CERS3: variants seen among roughly 807,000 people sequenced by gnomAD.
The protein encoded by CERS3 is LAG1 homolog, ceramide synthase 3.
CERS3 carries 33 observed loss-of-function variants against 50.3 expected under a neutral mutation model. The ratio of observed to expected loss-of-function variants is 0.66; its 90% CI spans 0.50 to 0.88. The LOEUF is 0.88. Ranked by LOEUF, CERS3 falls within the 40% of genes least tolerant of loss-of-function variation. The pLI, the probability that CERS3 is intolerant of heterozygous loss-of-function variation, is 0.00. For missense variants in CERS3, 470 were observed against 460.3 expected, an observed-to-expected ratio of 1.02 and a Z score of -0.19; for synonymous variants, 176 against 155.2, an observed-to-expected ratio of 1.13 and a Z score of -0.99.
intron 11 of CERS3, among the ~76,000 whole-genome samples, chr15:100,444,625 T>C (rs909177431): frequency 1.2e-4 from 18 of 152,320 alleles, no homozygotes; most frequent in Admixed American, 6.5e-4. Context: ...AACTTCTCAG[T>C]GTTCCATCTG....
chr15:100,453,956 T>C (rs1262400309), intron 11 of CERS3, among the ~76,000 whole-genome samples: 1 of 152,124 alleles, frequency 6.6e-6, no homozygotes, highest in Non-Finnish European at 1.5e-5. Flanking sequence ...CAAGGAAAAC[T>C]ACAAAACACT....
chr15:100,410,987 G>A (rs888605201), intron 11 of CERS3, among the ~76,000 whole-genome samples: 1 of 152,004 alleles, frequency 6.6e-6, no homozygotes, highest in East Asian at 1.9e-4. Context: ...CCTTTCCCCA[G>A]CCTCTGGCAA....
chr15:100,476,020 T>C, intron 8 of CERS3, 66 bp downstream of exon 8: 4 of 1,023,930 alleles, frequency 3.9e-6, no homozygotes, highest in Non-Finnish European at 4.3e-6. Context: ...AAGATTAGAA[T>C]TTGGGGCAGG....
rs1256838474 is a variant in CERS3, at chr15:100,461,980, G to A, written c.846-5934C>T. Among the ~76,000 whole-genome samples, 7 of 152,070 alleles carry A rather than the reference G, an allele frequency of 4.6e-5. No homozygotes were observed. The East Asian group carries it at 1.4e-3, about 29-fold the overall frequency. On this transcript the variant is annotated intron_variant, in intron 10 of 11. Transcript: ENST00000679737. ...CTCCTTCTACGCTAAAAGAAGACTG[G>A]GAAAAAGAAAAAAAATTCCATCTGC...
intron 11 of CERS3, among the ~76,000 whole-genome samples, chr15:100,412,443 T>C (rs1203860135): frequency 1.3e-5 from 2 of 152,212 alleles, no homozygotes; most frequent in African/African-American, 4.8e-5. Flanking sequence ...CCACACTGTC[T>C]TGATTACTGA....
intron 1 of CERS3, among the ~76,000 whole-genome samples, chr15:100,524,842 A>G (rs563433772): frequency 1.9e-4 from 29 of 152,242 alleles, no homozygotes; most frequent in Admixed American, 9.8e-4. Flanking sequence ...CTAATCAACA[A>G]GTATTTATTG....
chr15:100,499,625 A>C (rs941960074), intron 3 of CERS3, among the ~76,000 whole-genome samples: 3 of 152,234 alleles, frequency 2.0e-5, no homozygotes, highest in Admixed American at 2.0e-4. Flanking sequence ...GAAGATGTAC[A>C]TAAATGCAGT....
intron 11 of CERS3, among the ~76,000 whole-genome samples, chr15:100,434,491 T>A (rs1348586275): frequency 6.6e-6 from 1 of 151,602 alleles, no homozygotes; most frequent in Non-Finnish European, 1.5e-5. Flanking sequence ...AAAAACTAAT[T>A]TCTTTTACCC....
At chr15:100,481,983 G>T (rs190910542) in intron 5 of CERS3, among the ~76,000 whole-genome samples, 2 of 152,274 alleles carry the variant, frequency 1.3e-5, no homozygotes, top group Admixed American at 6.5e-5. Flanking sequence ...TGAAACGTGC[G>T]CTTGTGTAGT....
At chr15:100,451,606 C>T (rs1349028378) in intron 11 of CERS3, among the ~76,000 whole-genome samples, 4 of 152,080 alleles carry the variant, frequency 2.6e-5, no homozygotes, top group African/African-American at 9.7e-5. Flanking sequence ...ACTAGGAAGG[C>T]TGAGGTGGGA....
chr15:100,519,321 C>T (rs1261946753), intron 2 of CERS3, among the ~76,000 whole-genome samples: 1 of 152,122 alleles, frequency 6.6e-6, no homozygotes, highest in African/African-American at 2.4e-5. Context: ...CCCCACCTTC[C>T]AGCAGCAGCT....
chr15:100,512,732 A>G (rs2036382530), intron 2 of CERS3, among the ~76,000 whole-genome samples: 1 of 152,026 alleles, frequency 6.6e-6, no homozygotes, highest in African/African-American at 2.4e-5. Flanking sequence ...TATGTGCTTT[A>G]CTCTAATACT....
chr15:100,428,991 C>G (rs1014931214), intron 11 of CERS3, among the ~76,000 whole-genome samples: 2 of 152,146 alleles, frequency 1.3e-5, no homozygotes, highest in Non-Finnish European at 2.9e-5. Context: ...CTTGCATGCT[C>G]GGGGATTAGC....
chr15:100,522,960 T>A (rs77558670), intron 1 of CERS3, among the ~76,000 whole-genome samples: 2,043 of 152,302 alleles, frequency 0.013, 22 homozygotes, highest in East Asian at 0.028. Flanking sequence ...CGTATGAGAG[T>A]TCCAGTGGTT....
chr15:100,405,243 AAAAAAC>A (rs754975880), intron 11 of CERS3, among the ~76,000 whole-genome samples: 61 of 13,706 alleles, frequency 4.5e-3, no homozygotes, highest in Middle Eastern at 0.1. Flanking sequence ...TAAAAAAAAA[AAAAAAC>A]AAAAAAAAAC....
At chr15:100,499,356 A>G (rs917765025) in intron 3 of CERS3, among the ~76,000 whole-genome samples, 1 of 152,220 alleles carries the variant, frequency 6.6e-6, no homozygotes, top group Admixed American at 6.5e-5. Flanking sequence ...AAATCAAAAC[A>G]TTAGCCACAC....
intron 11 of CERS3, among the ~76,000 whole-genome samples, chr15:100,431,921 ATCT>A (rs894913560): frequency 3.9e-5 from 6 of 152,156 alleles, no homozygotes; most frequent in East Asian, 1.9e-4. Flanking sequence ...ATCCTGGGAG[ATCT>A]TCTTTACGGT....
intron 2 of CERS3, among the ~76,000 whole-genome samples, chr15:100,508,781 T>G (rs941312256): frequency 6.6e-6 from 1 of 152,160 alleles, no homozygotes; most frequent in Non-Finnish European, 1.5e-5. Flanking sequence ...GCAAATGTAC[T>G]TATTTACCCC....
intron 3 of CERS3, among the ~76,000 whole-genome samples, chr15:100,499,770 G>C (rs1283358374): frequency 6.6e-6 from 1 of 152,132 alleles, no homozygotes; most frequent in South Asian, 2.1e-4. Context: ...CTTGCTTTCT[G>C]TATTCCCAAG....
Sources: gnomAD v4.1 joint callset for allele counts (sites outside exome capture counted in the v4.1 genomes callset) on GRCh38, gnomAD v4.1.1 for gene constraint, MANE v1.5 for transcripts, NCBI Gene and HGNC (gene_info 2026-07-23, HGNC 2026-07-21) for gene names.